The following VWA8 variants were observed in gnomAD, a reference collection of about 807,000 sequenced individuals.
The protein encoded by VWA8 is von Willebrand factor A domain-containing protein 8.
Under a neutral mutation model 241.5 loss-of-function variants are expected in VWA8, and 221 were observed. The observed-to-expected ratio is 0.91, with a 90% CI of 0.82 to 1.02. The LOEUF (loss-of-function observed/expected upper bound fraction) is 1.02. VWA8 is among the 50% of genes least tolerant of loss of function. The pLI is 0.00. For missense variants in VWA8, 2,322 were observed against 2,328.7 expected, an observed-to-expected ratio of 1.00 and a Z score of 0.06; for synonymous variants, 852 against 827.1, an observed-to-expected ratio of 1.03 and a Z score of -0.52.
At chr13:41,735,581 T>G (rs188999813) in intron 21 of VWA8, among the ~76,000 whole-genome samples, 8 of 152,286 alleles carry the variant, frequency 5.3e-5, no homozygotes, top group Admixed American at 4.6e-4. Flanking sequence ...GGTTTTGTTC[T>G]GCTCTTATAA....
chr13:41,687,804 T>C (rs2045147073), intron 34 of VWA8, among the ~76,000 whole-genome samples: 1 of 152,168 alleles, frequency 6.6e-6, no homozygotes, highest in Admixed American at 6.6e-5. Flanking sequence ...ATACCTCCTA[T>C]GTGGTAGGTA....
chr13:41,587,835 T>C (rs982280934), intron 41 of VWA8, among the ~76,000 whole-genome samples, 165 bp from the exon 42 acceptor site: 3 of 152,220 alleles, frequency 2.0e-5, no homozygotes, highest in Non-Finnish European at 4.4e-5. Context: ...AAGGCATCTA[T>C]GGGTTGTACT....
At chr13:41,726,007 C>T (rs375135342) in intron 24 of VWA8, among the ~76,000 whole-genome samples, 16 of 152,314 alleles carry the variant, frequency 1.1e-4, no homozygotes, top group African/African-American at 3.4e-4. Context: ...TGAAGAAATT[C>T]TATGCATATA....
intron 17 of VWA8, among the ~76,000 whole-genome samples, chr13:41,791,655 A>G (rs1479059020): frequency 2.0e-5 from 3 of 151,788 alleles, no homozygotes; most frequent in Admixed American, 6.6e-5. Flanking sequence ...CATATACTGA[A>G]TCTCCTTTTG....
intron 17 of VWA8, among the ~76,000 whole-genome samples, chr13:41,803,733 C>T (rs1411561887): frequency 1.3e-5 from 2 of 151,996 alleles, no homozygotes; most frequent in Non-Finnish European, 2.9e-5. Context: ...CATCAGTGAC[C>T]TTAAAGAAAG....
At chr13:41,786,254 A>G (rs1045604222) in intron 18 of VWA8, among the ~76,000 whole-genome samples, 1 of 152,316 alleles carries the variant, frequency 6.6e-6, no homozygotes, top group Non-Finnish European at 1.5e-5. Flanking sequence ...GCAAAATATT[A>G]TATGACAACT....
In VWA8 at chr13:41,921,946, T is replaced by C. The variant is rs1002667375; in HGVS notation, c.242-9778A>G. ...TTGGAAAAGACTACTTTAAAGTTCA[T>C]ACGGAACCAAAAAAGAGCCTGCATT... On this transcript the variant is annotated intron_variant, in intron 2 of 44. Transcript: ENST00000379310. Among the ~76,000 whole-genome samples the C allele has an allele frequency of 1.2e-4, 18 of 152,286 alleles. 1 individual carries two copies. Among genetic ancestry groups the C allele is most frequent in the Admixed American group, 7.8e-4 (12 of 15,306 alleles).
At chr13:41,597,813 G>A (rs1288182623) in intron 40 of VWA8, among the ~76,000 whole-genome samples, 8 of 147,902 alleles carry the variant, frequency 5.4e-5, no homozygotes, top group Non-Finnish European at 7.6e-5. Flanking sequence ...AAGGGCAAGA[G>A]GCAACCCCAC....
chr13:41,813,711 A>G (rs1173750381), intron 16 of VWA8, among the ~76,000 whole-genome samples: 1 of 152,198 alleles, frequency 6.6e-6, no homozygotes, highest in East Asian at 1.9e-4. Context: ...AGTAATAACC[A>G]GGGTTGAGAA....
intron 21 of VWA8, among the ~76,000 whole-genome samples, chr13:41,745,260 G>C (rs148682543): frequency 0.16 from 24,696 of 151,968 alleles, 2,135 homozygotes; most frequent in Non-Finnish European, 0.2. Flanking sequence ...ATTTACATTA[G>C]GTATTTCTCC....
At chr13:41,699,562 A>G (rs1476096869) in intron 28 of VWA8, among the ~76,000 whole-genome samples, 1 of 152,162 alleles carries the variant, frequency 6.6e-6, no homozygotes, top group African/African-American at 2.4e-5. Context: ...ACAATCCTCA[A>G]TGTCAGGAAA....
chr13:41,798,516 C>T (rs993531719), intron 17 of VWA8, among the ~76,000 whole-genome samples: 4 of 152,158 alleles, frequency 2.6e-5, no homozygotes, highest in East Asian at 3.8e-4. Flanking sequence ...GTAAAGTTGT[C>T]GGCTTGATAT....
intron 26 of VWA8, among the ~76,000 whole-genome samples, chr13:41,714,045 A>G (rs955119821): frequency 1.3e-5 from 2 of 152,074 alleles, no homozygotes; most frequent in African/African-American, 4.8e-5. Flanking sequence ...CACAGGAAAA[A>G]GTCTAGAAGG....
chr13:41,852,422 A>C (rs1235439902), intron 12 of VWA8, among the ~76,000 whole-genome samples: 1 of 152,140 alleles, frequency 6.6e-6, no homozygotes, highest in Non-Finnish European at 1.5e-5. Context: ...TTTGCTGTGC[A>C]GAAGCTTTTT....
chr13:41,643,653 T>C lies in VWA8; in HGVS notation c.4611+27293A>G, dbSNP rs766442726. ...GCTTAATGAACGCCAGTGTAGTTGCTTGGTATGTCCCTTATGGGGCAGCTG... is the reference window on the plus strand; with the variant it reads ...GCTTAATGAACGCCAGTGTAGTTGCCTGGTATGTCCCTTATGGGGCAGCTG... On this transcript the variant is annotated intron_variant, in intron 37 of 44. Transcript: ENST00000379310. Among the ~76,000 whole-genome samples, 3 of 152,330 alleles carry C rather than the reference T, an allele frequency of 2.0e-5. No individual in the cohort carries two copies. In the South Asian group the frequency reaches 6.2e-4, roughly 32 times the overall value.
intron 12 of VWA8, among the ~76,000 whole-genome samples, chr13:41,852,148 G>A (rs1872553320): frequency 6.6e-6 from 1 of 152,144 alleles, no homozygotes; most frequent in African/African-American, 2.4e-5. Context: ...ATATTTAATT[G>A]TGGTTTTAAT....
chr13:41,633,024 G>T (rs1351923088), intron 37 of VWA8, among the ~76,000 whole-genome samples: 1 of 152,170 alleles, frequency 6.6e-6, no homozygotes, highest in African/African-American at 2.4e-5. Context: ...CTGTGTGAGG[G>T]AACCTTCCAG....
chr13:41,898,794 A>G (rs1047024619), intron 4 of VWA8, among the ~76,000 whole-genome samples: 1 of 57,688 alleles, frequency 1.7e-5, no homozygotes, highest in Non-Finnish European at 3.3e-5. Context: ...TGGGGGACCC[A>G]GTACACCCTC....
At chr13:41,578,649 C>A (rs372350279) in intron 42 of VWA8, among the ~76,000 whole-genome samples, 2 of 152,144 alleles carry the variant, frequency 1.3e-5, no homozygotes, top group Non-Finnish European at 2.9e-5. Context: ...GACAGGGCCT[C>A]GAGCATGCTT....
Sources: gnomAD v4.1 joint callset for allele counts (sites outside exome capture counted in the v4.1 genomes callset) on GRCh38, gnomAD v4.1.1 for gene constraint, MANE v1.5 for transcripts, NCBI Gene and HGNC (gene_info 2026-07-23, HGNC 2026-07-21) for gene names.